STON2: variants seen among roughly 807,000 people sequenced by gnomAD.
The protein encoded by STON2 is stonin 2.
STON2 carries 29 observed loss-of-function variants against 65.7 expected under a neutral mutation model. That is an observed-to-expected ratio of 0.44 (90% CI 0.33 to 0.60). The LOEUF (loss-of-function observed/expected upper bound fraction) is 0.60. STON2 is among the 20% of genes least tolerant of loss of function. The pLI, the probability that STON2 is intolerant of heterozygous loss-of-function variation, is 0.03. For synonymous variants in STON2, 404 were observed against 414.2 expected (o/e 0.98, Z 0.30); for missense variants, 1,054 against 1,118.1 (o/e 0.94, Z 0.82).
intron 4 of STON2, among the ~76,000 whole-genome samples, chr14:81,324,591 C>T (rs1221234051): frequency 1.3e-5 from 2 of 152,200 alleles, no homozygotes; most frequent in Admixed American, 1.3e-4. Context: ...AGCAAGCAAA[C>T]CTGGATGTGA....
Position 81,262,814 on chromosome 14 carries a change from T to G in STON2, c.*5600A>C. On this transcript the variant is annotated 3_prime_UTR_variant, in exon 8 of 8. Coordinates refer to ENST00000614646, the MANE Select transcript of STON2 (RefSeq NM_001394390.1). The stretch of plus-strand genomic sequence containing the variant: ...GTTCTAGTTAATACATGGGAGAATA[T>G]TACTAATACATACATTTGTTTTCTA... The G allele has an allele frequency of 1.0e-6, 1 of 985,372 alleles. No homozygotes were observed. Among genetic ancestry groups the G allele is most frequent in the Middle Eastern group, 5.2e-4 (1 of 1,914 alleles). The allele number at this position is 985,372 out of a possible 1,614,324, so 61.0% of individuals were successfully genotyped here. A position where few individuals can be genotyped will look rare whatever the true frequency, so the allele number is the denominator to read the frequency against.
intron 2 of STON2, among the ~76,000 whole-genome samples, chr14:81,426,636 C>A (rs184546657): frequency 3.3e-5 from 5 of 152,288 alleles, no homozygotes; most frequent in Admixed American, 6.5e-5. Context: ...CCTTCCCATC[C>A]AAGATGATGG....
intron 4 of STON2, among the ~76,000 whole-genome samples, chr14:81,344,223 A>T (rs1055449200): frequency 6.6e-6 from 1 of 152,270 alleles, no homozygotes; most frequent in East Asian, 1.9e-4. Flanking sequence ...TTTCATTCTA[A>T]TTTTTTCTGA....
intron 1 of STON2, among the ~76,000 whole-genome samples, chr14:81,431,640 T>C (rs922441710): frequency 6.6e-6 from 1 of 151,998 alleles, no homozygotes; most frequent in Admixed American, 6.5e-5. Flanking sequence ...TAGCCAGGCA[T>C]AGTGGCGCAT....
intron 1 of STON2, among the ~76,000 whole-genome samples, chr14:81,431,643 T>C (rs1368066485): frequency 1.3e-5 from 2 of 151,986 alleles, no homozygotes; most frequent in Non-Finnish European, 2.9e-5. Context: ...CCAGGCATAG[T>C]GGCGCATTCC....
chr14:81,291,514 A>G (rs1296042713), intron 5 of STON2, among the ~76,000 whole-genome samples: 1 of 152,116 alleles, frequency 6.6e-6, no homozygotes, highest in Non-Finnish European at 1.5e-5. Context: ...TTAAGGAGAT[A>G]CTCAATTGAT....
chr14:81,348,042 CA>C (rs561703820), intron 4 of STON2, among the ~76,000 whole-genome samples: 1 of 150,966 alleles, frequency 6.6e-6, no homozygotes, highest in African/African-American at 2.4e-5. Context: ...TCTCAATAGG[CA>C]AAAAAAGAGC....
At chr14:81,392,756 T>C (rs1900140868) in intron 3 of STON2, among the ~76,000 whole-genome samples, 1 of 152,222 alleles carries the variant, frequency 6.6e-6, no homozygotes, top group Non-Finnish European at 1.5e-5. Flanking sequence ...CATGTATTTT[T>C]TCCCAATCTG....
intron 5 of STON2, among the ~76,000 whole-genome samples, chr14:81,292,124 A>G (rs1245448705): frequency 6.6e-6 from 1 of 152,200 alleles, no homozygotes; most frequent in Non-Finnish European, 1.5e-5. Context: ...CTTGGACTTC[A>G]GCTAAATGTC....
intron 5 of STON2, among the ~76,000 whole-genome samples, chr14:81,309,406 T>G (rs1896336238): frequency 6.6e-6 from 1 of 152,260 alleles, no homozygotes; most frequent in Non-Finnish European, 1.5e-5. Flanking sequence ...ATCTTGAATG[T>G]ATATTTATTG....
At position 81,426,671 on chromosome 14, in the gene STON2, G is replaced by A. The variant is rs150028532; in HGVS notation, c.-199+431C>T. 5.1e-3 allele frequency among the ~76,000 whole-genome samples: 782 copies of A among 152,082 alleles called. 3 individuals are homozygous for A. The highest frequency in any genetic ancestry group is 8.8e-3 in the Non-Finnish European group (601 of 67,976). On this transcript the variant is annotated intron_variant, in intron 2 of 8. Transcript: ENST00000553821. ...GCACTCTACCCCTCCAGTCCCCCTC[G>A]CCCGAAACATCGAGTCATCCAACCT... is the stretch of plus-strand genomic sequence containing the variant.
chr14:81,351,317 A>G (rs1898016127), intron 4 of STON2, among the ~76,000 whole-genome samples: 1 of 152,012 alleles, frequency 6.6e-6, no homozygotes, highest in Admixed American at 6.6e-5. Context: ...GTGTGAGGAC[A>G]ATCCAGAAAT....
chr14:81,392,196 C>T (rs1900109976), intron 3 of STON2, among the ~76,000 whole-genome samples: 1 of 152,152 alleles, frequency 6.6e-6, no homozygotes, highest in Non-Finnish European at 1.5e-5. Flanking sequence ...TTATTAGAAC[C>T]AGTGAGACAG....
intron 2 of STON2, among the ~76,000 whole-genome samples, chr14:81,418,722 C>A (rs1490343259): frequency 2.6e-5 from 4 of 152,234 alleles, no homozygotes; most frequent in Non-Finnish European, 5.9e-5. Flanking sequence ...TGAATGACCA[C>A]AGCACAACTG....
chr14:81,410,885 T>A (rs1901122993), intron 2 of STON2, among the ~76,000 whole-genome samples: 1 of 152,254 alleles, frequency 6.6e-6, no homozygotes, highest in Admixed American at 6.5e-5. Flanking sequence ...GATAAGGGAC[T>A]GAACTTCAAC....
intron 3 of STON2, among the ~76,000 whole-genome samples, chr14:81,377,806 T>C (rs1339845613): frequency 2.0e-5 from 3 of 152,114 alleles, no homozygotes; most frequent in Non-Finnish European, 4.4e-5. Context: ...TCTCGATACA[T>C]TCTCTTTGGT....
At chr14:81,338,051 G>A (rs1412690842) in intron 4 of STON2, among the ~76,000 whole-genome samples, 1 of 152,170 alleles carries the variant, frequency 6.6e-6, no homozygotes, top group Non-Finnish European at 1.5e-5. Context: ...GAGGTCATAG[G>A]AGAATCTTCT....
At chr14:81,286,908 T>A (rs914400393) in intron 5 of STON2, among the ~76,000 whole-genome samples, 10 of 152,190 alleles carry the variant, frequency 6.6e-5, no homozygotes, top group African/African-American at 2.4e-4. Context: ...TTTTAGTAAC[T>A]CTAGTATTTC....
intron 5 of STON2, among the ~76,000 whole-genome samples, chr14:81,298,061 T>TA (rs1323295317): frequency 6.6e-6 from 1 of 152,076 alleles, no homozygotes; most frequent in Non-Finnish European, 1.5e-5. Flanking sequence ...TAATAACTGA[T>TA]ATTTATTGCC....
Sources: allele counts gnomAD v4.1 joint callset (sites outside exome capture counted in the v4.1 genomes callset), GRCh38; gene constraint gnomAD v4.1.1; transcripts MANE v1.5; gene names NCBI Gene and HGNC (gene_info 2026-07-23, HGNC 2026-07-21).